LRRC7: variants seen among roughly 807,000 people sequenced by gnomAD.
The protein encoded by LRRC7 is leucine-rich repeat-containing protein 7.
In LRRC7, 23 loss-of-function variants were observed where a neutral mutation model predicts 175.7. The observed-to-expected ratio is 0.13, with a 90% confidence interval of 0.09 to 0.19. The LOEUF (loss-of-function observed/expected upper bound fraction) is 0.19, where lower values mean the gene tolerates loss of function less well. Ranked by LOEUF, LRRC7 falls within the 10% of genes least tolerant of loss-of-function variation. The pLI, the probability that LRRC7 is intolerant of heterozygous loss-of-function variation, is 1.00. For missense variants in LRRC7, 1,354 were observed against 1,904.7 expected, an observed-to-expected ratio of 0.71 and a Z score of 5.38; for synonymous variants, 685 against 680.9, an observed-to-expected ratio of 1.01 and a Z score of -0.09.
chr1:69,937,933 T>C (rs771658521), intron 8 of LRRC7, among the ~76,000 whole-genome samples: 3 of 151,874 alleles, frequency 2.0e-5, no homozygotes, highest in Non-Finnish European at 4.4e-5. Flanking sequence ...GATGATGAGG[T>C]CATTTTGAGA....
At chr1:69,722,277 T>G (rs1666447055) in intron 2 of LRRC7, among the ~76,000 whole-genome samples, 2 of 152,172 alleles carry the variant, frequency 1.3e-5, no homozygotes, top group Non-Finnish European at 2.9e-5. Flanking sequence ...TTTTATTTTT[T>G]GACAGCTCCT....
chr1:69,911,123 G>C (rs1646514411), intron 7 of LRRC7, among the ~76,000 whole-genome samples: 1 of 152,220 alleles, frequency 6.6e-6, no homozygotes, highest in Non-Finnish European at 1.5e-5. Flanking sequence ...GACTAGGAAA[G>C]GGAACTCCCT....
chr1:70,107,718 T>C, intron 25 of LRRC7, 34 bp from the exon 26 acceptor site: 2 of 1,536,930 alleles, frequency 1.3e-6, no homozygotes, highest in Non-Finnish European at 1.8e-6. Context: ...TTCTTGGTAA[T>C]AGAATCCTAA....
At chr1:69,962,079 C>T (rs1244756197) in intron 8 of LRRC7, among the ~76,000 whole-genome samples, 1 of 151,918 alleles carries the variant, frequency 6.6e-6, no homozygotes, top group Non-Finnish European at 1.5e-5. Context: ...AAAAATTTTG[C>T]AAACTATGCA....
At chr1:69,797,019 T>C (rs1330110188) in intron 4 of LRRC7, among the ~76,000 whole-genome samples, 1 of 152,180 alleles carries the variant, frequency 6.6e-6, no homozygotes, top group Non-Finnish European at 1.5e-5. Flanking sequence ...AGCTATCTCA[T>C]TTATTTCTCT....
At chr1:69,596,080 A>C (rs929616395) in intron 1 of LRRC7, among the ~76,000 whole-genome samples, 1 of 152,030 alleles carries the variant, frequency 6.6e-6, no homozygotes, top group Non-Finnish European at 1.5e-5. Flanking sequence ...GTGAGTCTGC[A>C]TCTGCAGAAG....
intron 3 of LRRC7, among the ~76,000 whole-genome samples, chr1:69,781,680 A>AG (rs1673520265): frequency 9.8e-6 from 1 of 101,654 alleles, no homozygotes; most frequent in Non-Finnish European, 1.9e-5. Flanking sequence ...AGACTGTCTC[A>AG]AAAAAAAGAA....
intron 8 of LRRC7, among the ~76,000 whole-genome samples, chr1:69,967,708 T>C (rs749700957): frequency 6.6e-6 from 1 of 151,916 alleles, no homozygotes; most frequent in Non-Finnish European, 1.5e-5. Context: ...GAGATAACAA[T>C]CCTACAGCTC....
chr1:69,783,682 G>A lies in LRRC7; in HGVS notation c.304-8361G>A, dbSNP rs971193118. 2.0e-5 allele frequency among the ~76,000 whole-genome samples: 3 copies of A among 148,046 alleles called. No individual in the cohort carries two copies. The Admixed American group carries it at 2.1e-4, about 10-fold the overall frequency. On this transcript the variant is annotated intron_variant, in intron 3 of 26. Coordinates refer to ENST00000651989, the MANE Select transcript of LRRC7 (RefSeq NM_001370785.2). Reference sequence around the variant, plus strand: ...CTGGAGAATTGCTTGAATCTGGGAGGAGGAGGTTGCAGTGAGCCGAGATCA... The same window carrying A: ...CTGGAGAATTGCTTGAATCTGGGAGAAGGAGGTTGCAGTGAGCCGAGATCA...
At chr1:70,049,087 G>A (rs899892503) in intron 22 of LRRC7, among the ~76,000 whole-genome samples, 1 of 151,986 alleles carries the variant, frequency 6.6e-6, no homozygotes, top group African/African-American at 2.4e-5. Flanking sequence ...ATTGAATTAG[G>A]CATTAATATA....
chr1:70,084,254 ATAATC>A (rs1272251611), intron 24 of LRRC7, among the ~76,000 whole-genome samples: 6 of 152,292 alleles, frequency 3.9e-5, no homozygotes, highest in Middle Eastern at 3.4e-3. Flanking sequence ...AACTATCACT[ATAATC>A]TAACTTTATG....
At chr1:69,729,861 T>C (rs541667870) in intron 2 of LRRC7, among the ~76,000 whole-genome samples, 13 of 152,354 alleles carry the variant, frequency 8.5e-5, no homozygotes, top group African/African-American at 2.9e-4. Flanking sequence ...AAGTTCTCCA[T>C]GAGGGCTCTG....
In LRRC7 at chr1:70,138,171, T is replaced by TGAC. The variant is rs1666940682; in HGVS notation, c.*16284_*16285insGAC. On this transcript the variant is annotated 3_prime_UTR_variant, in exon 27 of 27. Coordinates refer to ENST00000651989, the MANE Select transcript of LRRC7 (RefSeq NM_001370785.2). ...GAATTGATTAAAAATATGTGATGGA[T>TGAC]TGTGCAGCATGCTTACATTTGAAAA... is the stretch of plus-strand genomic sequence containing the variant. 1 of 152,206 alleles carries TGAC rather than the reference T, an allele frequency of 6.6e-6. No homozygotes were observed. The highest frequency in any genetic ancestry group is 2.4e-5 in the African/African-American group (1 of 41,462). 9.4% of individuals were successfully genotyped at this position (152,206 alleles called of 1,614,324 possible).
At chr1:69,691,343 CGTT>C (rs1557605891) in intron 2 of LRRC7, among the ~76,000 whole-genome samples, 2 of 152,002 alleles carry the variant, frequency 1.3e-5, no homozygotes, top group African/African-American at 4.8e-5. Context: ...TGTTTTATCT[CGTT>C]GTTTGCATGT....
intron 23 of LRRC7, among the ~76,000 whole-genome samples, chr1:70,064,847 A>G (rs1661852656): frequency 6.6e-6 from 1 of 151,886 alleles, no homozygotes; most frequent in Non-Finnish European, 1.5e-5. Context: ...TTCTTTAGTG[A>G]CCTTTGTGAA....
At chr1:69,930,039 A>T (rs576349980) in intron 7 of LRRC7, among the ~76,000 whole-genome samples, 18 of 150,194 alleles carry the variant, frequency 1.2e-4, no homozygotes, top group African/African-American at 4.1e-4. Context: ...TTACCTGATC[A>T]CCCTACTAAA....
intron 2 of LRRC7, among the ~76,000 whole-genome samples, chr1:69,752,326 C>T (rs1279504247): frequency 6.6e-6 from 1 of 152,032 alleles, no homozygotes; most frequent in Non-Finnish European, 1.5e-5. Context: ...CAAGACTGTG[C>T]CAACTAATGA....
chr1:70,056,226 G>C (rs766519416), intron 23 of LRRC7, among the ~76,000 whole-genome samples: 2 of 152,030 alleles, frequency 1.3e-5, no homozygotes, highest in African/African-American at 4.8e-5. Context: ...TGAGGTAGAA[G>C]GATGGCCCAG....
At chr1:69,972,938 A>G (rs1046765538) in intron 8 of LRRC7, among the ~76,000 whole-genome samples, 1 of 146,448 alleles carries the variant, frequency 6.8e-6, no homozygotes, top group Non-Finnish European at 1.5e-5. Context: ...ATATATATTT[A>G]TATATATATA....
Sources: gnomAD v4.1 joint callset for allele counts (sites outside exome capture counted in the v4.1 genomes callset) on GRCh38, gnomAD v4.1.1 for gene constraint, MANE v1.5 for transcripts, NCBI Gene and HGNC (gene_info 2026-07-23, HGNC 2026-07-21) for gene names.